Variants in RET observed in about 807,000 individuals in gnomAD.
RET encodes ret proto-oncogene.
Under a neutral mutation model 118.3 loss-of-function variants are expected in RET, and 19 were observed. The observed-to-expected ratio is 0.16, with a 90% CI of 0.11 to 0.24. The LOEUF (loss-of-function observed/expected upper bound fraction) is 0.24. Ranked by LOEUF, RET falls within the 10% of genes least tolerant of loss-of-function variation. RET has a pLI of 1.00. For missense variants in RET, 1,219 were observed against 1,502.1 expected (o/e 0.81, Z 3.12); for synonymous variants, 597 against 644.1 (o/e 0.93, Z 1.11).
In RET at chr10:43,109,195, C is replaced by T. The variant is rs1588869546; in HGVS notation, c.1228C>T (p.Leu410Phe). 6.2e-7 allele frequency: 1 copy of T among 1,613,780 alleles called. No individual in the cohort carries two copies. Among genetic ancestry groups the T allele is most frequent in the Non-Finnish European group, 8.5e-7 (1 of 1,180,046 alleles). The change falls in exon 6 of 20, where the codon CTC (leucine) becomes TTC (phenylalanine). Residue 410 changes from leucine to phenylalanine, a missense_variant. By Grantham distance (22) the Leu-to-Phe change is conservative. This residue lies in a region of RET where 850 missense variants were observed against 969.6 expected (regional missense o/e 0.88). Transcript: ENST00000355710. ...CCTGCACCTGCCCAGTACCTACTCC[C>T]TCTCCGTGAGCAGGAGGGCTCGCCG... Reference protein sequence around the residue: ...VSLHLPSTYSLSVSRRARRFA... With the variant: ...VSLHLPSTYSFSVSRRARRFA...
At chr10:43,118,591 T>C in intron 13 of RET, 111 bp downstream of exon 13, 1 of 841,746 alleles carries the variant, frequency 1.2e-6, no homozygotes, top group Non-Finnish European at 2.0e-6. Flanking sequence ...CCCTGTTTCC[T>C]GTTCTCCCTC....
intron 1 of RET, among the ~76,000 whole-genome samples, chr10:43,089,425 A>G (rs1837364157): frequency 6.6e-6 from 1 of 152,206 alleles, no homozygotes; most frequent in Non-Finnish European, 1.5e-5. Context: ...CCATTAGCAT[A>G]TGCGTGTCCA....
chr10:43,087,175 T>C (rs1837307184), intron 1 of RET, among the ~76,000 whole-genome samples: 1 of 152,214 alleles, frequency 6.6e-6, no homozygotes, highest in South Asian at 2.1e-4. Context: ...GAGGGCCATG[T>C]TCGTGCGTGC....
At chr10:43,115,457 A>C (rs1291049735) in intron 11 of RET, among the ~76,000 whole-genome samples, 1 of 152,202 alleles carries the variant, frequency 6.6e-6, no homozygotes, top group African/African-American at 2.4e-5. Context: ...GCCCTCGGTA[A>C]GGGTGTGAGC....
At position 43,111,297 on chromosome 10, in the gene RET, C is replaced by A. The variant is rs151148041; in HGVS notation, c.1354C>A (p.Leu452Ile). 1.0e-4 allele frequency: 164 copies of A among 1,614,162 alleles called. 1 individual carries two copies. The African/African-American group carries it at 2.1e-3, about 20-fold the overall frequency. ...TTCCTCTGGTGCCAACTGCAGCACG[C>A]TAGGGGTGGTCACCTCAGCCGAGGA... Reference protein sequence around the residue: ...LHSSGANCSTLGVVTSAEDTS... With the variant: ...LHSSGANCSTIGVVTSAEDTS... Residue 452 changes from leucine to isoleucine, a missense_variant, in exon 7 of 20, where the codon CTA becomes ATA. By Grantham distance (5) the Leu-to-Ile change is conservative (BLOSUM62 2). Transcript: ENST00000355710.
At position 43,111,195 on chromosome 10, in the gene RET, G is replaced by C. The variant is rs370613696; in HGVS notation, c.1264-12G>C. On this transcript the variant is annotated splice_polypyrimidine_tract_variant and intron_variant, in intron 6 of 19. Coordinates refer to ENST00000355710, the MANE Select transcript of RET (RefSeq NM_020975.6). ...AGCTGCCTGGCTAAGGTGTTCCCCT[G>C]TGCCCCCCTAGATCGGGAAAGTCTG... The C allele has an allele frequency of 2.5e-6, 4 of 1,613,386 alleles. No homozygotes were observed. In the African/African-American group the frequency reaches 4.0e-5, roughly 16 times the overall value.
chr10:43,112,484 G>A (rs183237414), intron 8 of RET, among the ~76,000 whole-genome samples: 71 of 152,320 alleles, frequency 4.7e-4, no homozygotes, highest in Non-Finnish European at 8.1e-4. Flanking sequence ...GGATGTGCTG[G>A]GGACAGAATG....
At chr10:43,098,876 A>G (rs527379265) in intron 1 of RET, among the ~76,000 whole-genome samples, 2 of 152,338 alleles carry the variant, frequency 1.3e-5, no homozygotes, top group South Asian at 2.1e-4. Flanking sequence ...TATCTATTTG[A>G]GACTTGGCTT....
intron 15 of RET, among the ~76,000 whole-genome samples, 191 bp downstream of exon 15, chr10:43,120,394 A>G (rs1306749009): frequency 6.6e-6 from 1 of 152,166 alleles, no homozygotes; most frequent in African/African-American, 2.4e-5. Context: ...AGCCTCTGCC[A>G]TGTCCTTCTC....
At chr10:43,079,940 CAGCTCACTAACCCTGTCT>C (rs1837143554) in intron 1 of RET, among the ~76,000 whole-genome samples, 1 of 152,206 alleles carries the variant, frequency 6.6e-6, no homozygotes, top group Non-Finnish European at 1.5e-5. Flanking sequence ...TCCTCCACTC[CAGCTCACTAACCCTGTCT>C]GGCCTCCAGA....
intron 1 of RET, among the ~76,000 whole-genome samples, chr10:43,084,088 G>A (rs1897000): frequency 0.35 from 52,560 of 151,880 alleles, 9,497 homozygotes; most frequent in South Asian, 0.42. Flanking sequence ...GCCCCTTCCT[G>A]TGAGGGGTAA....
At chr10:43,100,815 G>T in intron 2 of RET, 93 bp downstream of exon 2, 1 of 1,368,184 alleles carries the variant, frequency 7.3e-7, no homozygotes, top group Non-Finnish European at 1.0e-6. Context: ...AGCTTGGCAT[G>T]GCTTCCCCCC....
intron 15 of RET, among the ~76,000 whole-genome samples, chr10:43,121,015 T>C (rs905374332): frequency 7.2e-5 from 11 of 152,252 alleles, no homozygotes; most frequent in African/African-American, 2.6e-4. Context: ...AAGCCATTTG[T>C]GTTGCCAGGG....
chr10:43,088,621 C>T (rs1353150981), intron 1 of RET, among the ~76,000 whole-genome samples: 2 of 151,946 alleles, frequency 1.3e-5, no homozygotes, highest in East Asian at 1.9e-4. Context: ...TTAATTCCTT[C>T]TAGCTCCCAA....
chr10:43,127,506 TTC>T (rs1838361649), intron 19 of RET: 3 of 1,028,510 alleles, frequency 2.9e-6, no homozygotes, highest in East Asian at 1.2e-4. Context: ...TAGAAATTTT[TTC>T]TGTTTCCTAA....
rs761596036 is a variant in RET, at chr10:43,113,634, C to T, written c.1838C>T (p.Pro613Leu). ...GGCTATGGCACCTGCAACTGCTTCC[C>T]TGAGGAGGAGAAGTGCTTCTGCGAG... ...KAGYGTCNCF[P>L]EEEKCFCEPE... The change falls in exon 10 of 20, where the codon CCT becomes CTT. Residue 613 changes from proline to leucine, a missense_variant. Around this residue, in one of 5 missense-constraint regions of RET, gnomAD observed 850 missense variants for 969.6 expected, o/e 0.88. Coordinates refer to ENST00000355710, the MANE Select transcript of RET (RefSeq NM_020975.6). 1 of 1,613,422 alleles carries T rather than the reference C, an allele frequency of 6.2e-7. No homozygotes were observed. Among genetic ancestry groups the T allele is most frequent in the East Asian group, 2.2e-5 (1 of 44,850 alleles).
intron 18 of RET, 67 bp from the exon 19 acceptor site, chr10:43,126,505 CTTG>C (rs1368210719): frequency 5.1e-6 from 7 of 1,365,426 alleles, no homozygotes; most frequent in Non-Finnish European, 1.0e-6. Context: ...CTGAGGATGG[CTTG>C]TTGTATACTG....
At chr10:43,107,096 G>T (rs1468875428) in intron 5 of RET, among the ~76,000 whole-genome samples, 9 of 152,336 alleles carry the variant, frequency 5.9e-5, no homozygotes, top group African/African-American at 1.9e-4. Flanking sequence ...CAGCGGCCTT[G>T]CTTCCTGCCT....
intron 1 of RET, among the ~76,000 whole-genome samples, chr10:43,089,989 A>G (rs1837377728): frequency 6.6e-6 from 1 of 152,232 alleles, no homozygotes; most frequent in African/African-American, 2.4e-5. Context: ...AGGGATGGCC[A>G]TGCACCTGGG....
Sources: gnomAD v4.1 joint callset for allele counts (sites outside exome capture counted in the v4.1 genomes callset) on GRCh38, gnomAD v4.1.1 for gene constraint, gnomAD v4.1.1 regional missense constraint, MANE v1.5 for transcripts, NCBI Gene and HGNC (gene_info 2026-07-23, HGNC 2026-07-21) for gene names.